The following PLCB4 variants were observed in gnomAD, a reference collection of about 807,000 sequenced individuals.
PLCB4 encodes the protein 1-phosphatidylinositol 4,5-bisphosphate phosphodiesterase beta-4.
Under a neutral mutation model 178.8 loss-of-function variants are expected in PLCB4, and 77 were observed. The observed-to-expected ratio is 0.43, with a 90% confidence interval of 0.36 to 0.52. The LOEUF (loss-of-function observed/expected upper bound fraction) is 0.52. Among genes scored for constraint, PLCB4 ranks in the 20% least tolerant of loss-of-function variants. The pLI, the probability that PLCB4 is intolerant of heterozygous loss-of-function variation, is 0.00. For missense variants in PLCB4, 1,024 were observed against 1,453.4 expected, an observed-to-expected ratio of 0.70 and a Z score of 4.80; for synonymous variants, 496 against 490.8, an observed-to-expected ratio of 1.01 and a Z score of -0.14.
intron 3 of PLCB4, among the ~76,000 whole-genome samples, chr20:9,254,766 TA>T (rs2094217161): frequency 6.6e-6 from 1 of 152,204 alleles, no homozygotes; most frequent in African/African-American, 2.4e-5. Context: ...TATATTGCAA[TA>T]AAAATGAATC....
chr20:9,316,670 C>T (rs561009377), intron 4 of PLCB4, among the ~76,000 whole-genome samples: 2 of 152,156 alleles, frequency 1.3e-5, no homozygotes, highest in Non-Finnish European at 2.9e-5. Context: ...CTTTTCTTGT[C>T]AGCACAGCTG....
At chr20:9,414,151 C>T (rs537259702) in intron 25 of PLCB4, among the ~76,000 whole-genome samples, 3 of 152,268 alleles carry the variant, frequency 2.0e-5, no homozygotes, top group South Asian at 2.1e-4. Flanking sequence ...ATGTGTTGGA[C>T]GCTATGTGAC....
intron 25 of PLCB4, among the ~76,000 whole-genome samples, chr20:9,413,943 G>A (rs1017964730): frequency 6.6e-6 from 1 of 152,050 alleles, no homozygotes; most frequent in Admixed American, 6.5e-5. Flanking sequence ...GTACAGATGG[G>A]GTTTCACCAT....
chr20:9,451,887 C>T (rs1215405815), intron 32 of PLCB4, among the ~76,000 whole-genome samples: 1 of 152,204 alleles, frequency 6.6e-6, no homozygotes, highest in Non-Finnish European at 1.5e-5. Context: ...CTGAAAAACC[C>T]ATGTCCTTAA....
rs949507050 is a variant in PLCB4, at chr20:9,468,067, GA to G, written c.3249-502del. 1.8e-4 allele frequency among the ~76,000 whole-genome samples: 27 copies of G among 152,228 alleles called. 1 individual carries two copies. The highest frequency in any genetic ancestry group is 6.8e-3 in the Middle Eastern group (2 of 294). On this transcript the variant is annotated intron_variant, in intron 35 of 39. Coordinates refer to ENST00000378473, the MANE Select transcript of PLCB4 (RefSeq NM_001377142.1). Reference sequence around the variant, plus strand: ...ACAGGAAGGCCGTTTGTGATGGTTAGAACATTTTCTCTCTCTCTTCCAGCCC... The same window carrying G: ...ACAGGAAGGCCGTTTGTGATGGTTAGACATTTTCTCTCTCTCTTCCAGCCC...
intron 35 of PLCB4, among the ~76,000 whole-genome samples, chr20:9,460,221 G>C (rs2043304836): frequency 6.6e-6 from 1 of 152,202 alleles, no homozygotes; most frequent in South Asian, 2.1e-4. Context: ...AATGTCATGG[G>C]CACTAAAGGC....
At chr20:9,246,905 T>C (rs1276298350) in intron 3 of PLCB4, among the ~76,000 whole-genome samples, 1 of 152,138 alleles carries the variant, frequency 6.6e-6, no homozygotes, top group Non-Finnish European at 1.5e-5. Flanking sequence ...GAACAAAACA[T>C]ATAGGATTAC....
intron 12 of PLCB4, 76 bp from the exon 13 acceptor site, chr20:9,379,978 A>T (rs1247676751): frequency 2.9e-6 from 2 of 696,254 alleles, no homozygotes; most frequent in Non-Finnish European, 5.0e-6. Flanking sequence ...TTGTTTTATA[A>T]ATTATAAACT....
intron 4 of PLCB4, among the ~76,000 whole-genome samples, chr20:9,323,773 A>G (rs1166471085): frequency 6.6e-6 from 1 of 152,150 alleles, no homozygotes; most frequent in East Asian, 1.9e-4. Flanking sequence ...GCTGTACTGA[A>G]CATGGCAAGC....
intron 2 of PLCB4, among the ~76,000 whole-genome samples, chr20:9,194,692 CAA>C (rs555217572): frequency 5.9e-4 from 24 of 40,808 alleles, no homozygotes; most frequent in African/African-American, 1.7e-3. Context: ...GACTCCATCT[CAA>C]AAAAAAAAAA....
intron 3 of PLCB4, among the ~76,000 whole-genome samples, chr20:9,220,528 C>G (rs901832513): frequency 3.3e-5 from 5 of 152,096 alleles, no homozygotes; most frequent in African/African-American, 9.7e-5. Flanking sequence ...CCCAGCGATT[C>G]GAGAGGCTGA....
At chr20:9,372,087 C>T (rs2036297268) in intron 10 of PLCB4, among the ~76,000 whole-genome samples, 1 of 152,140 alleles carries the variant, frequency 6.6e-6, no homozygotes, top group East Asian at 1.9e-4. Flanking sequence ...CAGAATCTGG[C>T]AGCATGATAA....
chr20:9,111,772 C>G (rs1568770708), intron 2 of PLCB4, among the ~76,000 whole-genome samples: 1 of 152,142 alleles, frequency 6.6e-6, no homozygotes, highest in East Asian at 1.9e-4. Context: ...ATAAAAATAG[C>G]CTCTTTGAGA....
In PLCB4 at chr20:9,381,086, T is replaced by G. The variant is rs139819768; in HGVS notation, c.853+924T>G. On this transcript the variant is annotated intron_variant, in intron 13 of 39. Coordinates refer to ENST00000378473, the MANE Select transcript of PLCB4 (RefSeq NM_001377142.1). ...CAATAGTTTTCCCTTTAGTTGTAGT[T>G]GTACAGTTTACACTTTCTGCTATGG... 3.0e-3 allele frequency among the ~76,000 whole-genome samples: 451 copies of G among 152,266 alleles called. 1 individual carries two copies. The highest frequency in any genetic ancestry group is 3.9e-3 in the Non-Finnish European group (264 of 67,998).
chr20:9,441,354 C>G (rs748827313), intron 30 of PLCB4, among the ~76,000 whole-genome samples: 6 of 152,128 alleles, frequency 3.9e-5, no homozygotes, highest in Non-Finnish European at 8.8e-5. Flanking sequence ...GGAATAAACT[C>G]TACTCCAGGA....
intron 2 of PLCB4, among the ~76,000 whole-genome samples, chr20:9,156,353 C>A (rs543361885): frequency 6.6e-6 from 1 of 152,144 alleles, no homozygotes; most frequent in Non-Finnish European, 1.5e-5. Context: ...AGGTACAGTT[C>A]TCAACAGGCT....
At chr20:9,345,130 A>C (rs1006433436) in intron 7 of PLCB4, among the ~76,000 whole-genome samples, 2 of 152,222 alleles carry the variant, frequency 1.3e-5, no homozygotes, top group African/African-American at 4.8e-5. Flanking sequence ...TGGAGGTTGC[A>C]GTGAGCCGAG....
At chr20:9,136,879 G>A (rs2092395040) in intron 2 of PLCB4, among the ~76,000 whole-genome samples, 1 of 152,080 alleles carries the variant, frequency 6.6e-6, no homozygotes, top group Non-Finnish European at 1.5e-5. Flanking sequence ...ACTCTCCTGA[G>A]GCTGGGCATT....
chr20:9,359,669 C>T (rs956807374), intron 7 of PLCB4, among the ~76,000 whole-genome samples: 3 of 152,158 alleles, frequency 2.0e-5, no homozygotes, highest in Non-Finnish European at 2.9e-5. Context: ...ATCTCAGGAG[C>T]GTGTCGCCAT....
Sources: gnomAD v4.1 joint callset for allele counts (sites outside exome capture counted in the v4.1 genomes callset) on GRCh38, gnomAD v4.1.1 for gene constraint, MANE v1.5 for transcripts, NCBI Gene and HGNC (gene_info 2026-07-23, HGNC 2026-07-21) for gene names.